The following C2orf72 variants were observed in gnomAD, a reference collection of about 807,000 sequenced individuals.
The protein encoded by C2orf72 is chromosome 2 open reading frame 72.
Under a neutral mutation model 14.4 loss-of-function variants are expected in C2orf72, and 16 were observed. That is an observed-to-expected ratio of 1.11 (90% CI 0.75 to 1.69). The LOEUF (loss-of-function observed/expected upper bound fraction) is 1.69, where lower values mean the gene tolerates loss of function less well. C2orf72 is among the 40% of genes most tolerant of loss of function. The pLI is 0.00. For synonymous variants in C2orf72, 168 were observed against 176.8 expected (o/e 0.95, Z 0.40); for missense variants, 371 against 358.3 (o/e 1.04, Z -0.29).
chr2:231,047,048 C>G lies in C2orf72; in HGVS notation c.*27C>G. On this transcript the variant is annotated 3_prime_UTR_variant, in exon 3 of 3. Transcript: ENST00000373640. The stretch of plus-strand genomic sequence containing the variant: ...GGCTGGACCCTTGCGCTGTCCCTGG[C>G]TCTAACCTACAGACTGGGGCCTGGC... The G allele has an allele frequency of 1.3e-6, 2 of 1,551,616 alleles. No homozygotes were observed. Among genetic ancestry groups the G allele is most frequent in the Non-Finnish European group, 1.7e-6 (2 of 1,146,926 alleles).
intron 2 of C2orf72, among the ~76,000 whole-genome samples, chr2:231,046,261 A>C (rs1693414061): frequency 6.7e-6 from 1 of 148,824 alleles, no homozygotes; most frequent in Non-Finnish European, 1.5e-5. Context: ...CACAGATCTT[A>C]TTCGGATTTC....
At chr2:231,040,842 C>T (rs1693331390) in intron 1 of C2orf72, among the ~76,000 whole-genome samples, 1 of 152,072 alleles carries the variant, frequency 6.6e-6, no homozygotes, top group Non-Finnish European at 1.5e-5. Context: ...GTTTTGGTTG[C>T]CTGAAGTCTT....
chr2:231,043,031 C>G (rs1233295240), intron 2 of C2orf72, among the ~76,000 whole-genome samples: 2 of 152,170 alleles, frequency 1.3e-5, no homozygotes, highest in Non-Finnish European at 2.9e-5. Context: ...TAAATAATCA[C>G]AAGCTTAGCA....
intron 1 of C2orf72, among the ~76,000 whole-genome samples, chr2:231,040,612 TGGA>T (rs1191690684): frequency 3.9e-5 from 6 of 152,360 alleles, no homozygotes; most frequent in South Asian, 4.1e-4. Context: ...CGCTAGTGGT[TGGA>T]TCTGTTTTTT....
At position 231,048,166 on chromosome 2, in the gene C2orf72, A is replaced by T. The variant is rs1693442638; in HGVS notation, c.*1145A>T. On this transcript the variant is annotated 3_prime_UTR_variant, in exon 3 of 3. Coordinates refer to ENST00000373640, the MANE Select transcript of C2orf72 (RefSeq NM_001144994.2). ...TTAGAGCTGGGAAATCCATGTGTTTATTCACGGAGGGAACTCACCATTACC... is the reference window on the plus strand; with the variant it reads ...TTAGAGCTGGGAAATCCATGTGTTTTTTCACGGAGGGAACTCACCATTACC... 6.6e-6 allele frequency: 1 copy of T among 152,200 alleles called. No individual in the cohort carries two copies. Among genetic ancestry groups the T allele is most frequent in the African/African-American group, 2.4e-5 (1 of 41,436 alleles). 9.4% of individuals were successfully genotyped at this position (152,200 alleles called of 1,614,324 possible).
Position 231,047,127 on chromosome 2 carries a change from T to C in C2orf72, c.*106T>C. On this transcript the variant is annotated 3_prime_UTR_variant, in exon 3 of 3. Transcript: ENST00000373640. ...GGAGACTGCAGAAACCCCCGCCTGC[T>C]GGAGGCCTGCCACACTCACAGTTAC... 2 of 1,378,278 alleles carry C rather than the reference T, an allele frequency of 1.5e-6. No individual in the cohort carries two copies. The highest frequency in any genetic ancestry group is 2.0e-6 in the Non-Finnish European group (2 of 993,616). 85.4% of individuals were successfully genotyped at this position (1,378,278 alleles called of 1,614,324 possible).
chr2:231,046,745 G>A (rs368387452), intron 2 of C2orf72, 137 bp from the exon 3 acceptor site: 19 of 849,300 alleles, frequency 2.2e-5, no homozygotes, highest in Non-Finnish European at 3.2e-5. Context: ...TGTGTACATC[G>A]TTAAGGTTTT....
rs1271345627 is a variant in C2orf72 at position 231,047,543 on chromosome 2, C to T, written c.*522C>T. On this transcript the variant is annotated 3_prime_UTR_variant, in exon 3 of 3. Transcript: ENST00000373640. ...ACCAGGGGCAGGTTGTCCCTCCAGG[C>T]AGCATTGGAAATGTGTGTGTGTTGA... 3.6e-6 allele frequency: 1 copy of T among 277,248 alleles called. No homozygotes were observed. The highest frequency in any genetic ancestry group is 4.7e-5 in the Admixed American group (1 of 21,148). The allele number at this position is 277,248 out of a possible 1,614,324, so 17.2% of individuals were successfully genotyped here.
intron 2 of C2orf72, among the ~76,000 whole-genome samples, chr2:231,043,604 A>G (rs2125137775): frequency 6.6e-6 from 1 of 152,314 alleles, no homozygotes; most frequent in Non-Finnish European, 1.5e-5. Context: ...GCTAACTTCA[A>G]CCTCTCCACC....
chr2:231,043,034 G>A (rs1220681321), intron 2 of C2orf72, among the ~76,000 whole-genome samples: 1 of 152,192 alleles, frequency 6.6e-6, no homozygotes, highest in Non-Finnish European at 1.5e-5. Context: ...ATAATCACAA[G>A]CTTAGCAGCT....
intron 2 of C2orf72, among the ~76,000 whole-genome samples, chr2:231,045,052 C>T (rs1488862005): frequency 2.6e-5 from 4 of 151,194 alleles, no homozygotes; most frequent in African/African-American, 9.7e-5. Context: ...CACCTGAAGT[C>T]AGGAGTTCCA....
chr2:231,044,237 G>T (rs775862705), intron 2 of C2orf72, among the ~76,000 whole-genome samples: 2 of 152,198 alleles, frequency 1.3e-5, no homozygotes, highest in Non-Finnish European at 2.9e-5. Flanking sequence ...GTGCACTACT[G>T]TCGACTATAT....
At chr2:231,039,534 T>C (rs996303161) in intron 1 of C2orf72, among the ~76,000 whole-genome samples, 1 of 152,086 alleles carries the variant, frequency 6.6e-6, no homozygotes, top group African/African-American at 2.4e-5. Context: ...CAAGGAGACC[T>C]GTCACCTGTG....
chr2:231,046,417 G>A (rs980494719), intron 2 of C2orf72, among the ~76,000 whole-genome samples: 2 of 151,676 alleles, frequency 1.3e-5, no homozygotes, highest in African/African-American at 4.8e-5. Flanking sequence ...CACTCAACCA[G>A]TCCCATTGTT....
chr2:231,040,281 T>G (rs1360614588), intron 1 of C2orf72, among the ~76,000 whole-genome samples: 1 of 152,220 alleles, frequency 6.6e-6, no homozygotes, highest in African/African-American at 2.4e-5. Context: ...GAACATGATT[T>G]TGTTCCCTTG....
At chr2:231,045,541 A>AC (rs1192099425) in intron 2 of C2orf72, among the ~76,000 whole-genome samples, 1 of 126,312 alleles carries the variant, frequency 7.9e-6, no homozygotes, top group Non-Finnish European at 1.6e-5. Context: ...TTTTTGAGAC[A>AC]GAGTCTAGCT....
At chr2:231,041,887 G>A (rs1693347409) in intron 2 of C2orf72, among the ~76,000 whole-genome samples, 1 of 152,110 alleles carries the variant, frequency 6.6e-6, no homozygotes, top group South Asian at 2.1e-4. Context: ...CCCTGGGAGT[G>A]AGGTGCAGAA....
rs1693432383 is a variant in C2orf72, at chr2:231,047,328, G to GC, written c.*308dup. 9.1e-6 allele frequency: 4 copies of GC among 441,646 alleles called. No individual in the cohort carries two copies. Among genetic ancestry groups the GC allele is most frequent in the Non-Finnish European group, 1.7e-5 (4 of 230,836 alleles). 27.4% of individuals were successfully genotyped at this position (441,646 alleles called of 1,614,324 possible). On this transcript the variant is annotated 3_prime_UTR_variant, in exon 3 of 3. Coordinates refer to ENST00000373640, the MANE Select transcript of C2orf72 (RefSeq NM_001144994.2). Reference sequence around the variant, plus strand: ...GCTGTCCGCTTTGAGGCTCTGCAGAGCTGTGGCACCCCATGGTGTGTCTGC... The same window carrying GC: ...GCTGTCCGCTTTGAGGCTCTGCAGAGCCTGTGGCACCCCATGGTGTGTCTGC...
In C2orf72 at chr2:231,048,689, T is replaced by A. The variant is rs1312486459; in HGVS notation, c.*1668T>A. The A allele has an allele frequency of 6.6e-6, 1 of 152,330 alleles. No individual in the cohort carries two copies. Among genetic ancestry groups the A allele is most frequent in the Non-Finnish European group, 1.5e-5 (1 of 68,108 alleles). 9.4% of individuals were successfully genotyped at this position (152,330 alleles called of 1,614,324 possible). On this transcript the variant is annotated 3_prime_UTR_variant, in exon 3 of 3. Transcript: ENST00000373640. ...CTGCCTGATGAGGATGGTGTGAGGA[T>A]GAGGAGGACGGCATCTCATTTGGGG... is the stretch of plus-strand genomic sequence containing the variant.
Sources: allele counts gnomAD v4.1 joint callset (sites outside exome capture counted in the v4.1 genomes callset), GRCh38; gene constraint gnomAD v4.1.1; transcripts MANE v1.5; gene names NCBI Gene and HGNC (gene_info 2026-07-23, HGNC 2026-07-21).